IGSF5: variants seen among roughly 807,000 people sequenced by gnomAD.
IGSF5 encodes immunoglobulin superfamily member 5, also known as immunoglobulin superfamily 5 like.
In IGSF5, 41 loss-of-function variants were observed where a neutral mutation model predicts 39.4. That is an observed-to-expected ratio of 1.04 (90% CI 0.81 to 1.35). The LOEUF is 1.35. IGSF5 is among the 40% of genes most tolerant of loss of function. IGSF5 has a pLI of 0.00. For missense variants in IGSF5, 487 were observed against 494.6 expected, an observed-to-expected ratio of 0.98 and a Z score of 0.15; for synonymous variants, 183 against 175.3, an observed-to-expected ratio of 1.04 and a Z score of -0.34.
At chr21:39,733,800 T>C in the IGSF5 span, among the ~76,000 whole-genome samples, 1 of 152,202 alleles carries the variant, frequency 6.6e-6, no homozygotes, top group African/African-American at 2.4e-5. Context: ...TTCCTGGCCT[T>C]CCCTGGCCAT....
the IGSF5 span, among the ~76,000 whole-genome samples, chr21:39,721,134 G>T: frequency 2.6e-5 from 4 of 152,166 alleles, no homozygotes; most frequent in Non-Finnish European, 4.4e-5. Flanking sequence ...TGAATTAAAA[G>T]ATGACACAGT....
At chr21:39,787,695 TAAC>T (rs1006024050) in intron 5 of IGSF5, among the ~76,000 whole-genome samples, 4 of 151,870 alleles carry the variant, frequency 2.6e-5, no homozygotes, top group African/African-American at 9.7e-5. Context: ...AAAAATATAA[TAAC>T]AGTAACACCT....
chr21:39,793,574 T>C lies in IGSF5; in HGVS notation c.1089T>C (p.Asp363=). 5 of 1,614,124 alleles carry C rather than the reference T, an allele frequency of 3.1e-6. No individual in the cohort carries two copies. The highest frequency in any genetic ancestry group is 4.2e-6 in the Non-Finnish European group (5 of 1,179,960). The change falls in exon 8 of 9, where the codon GAT becomes GAC. Residue 363 remains aspartate, a synonymous_variant. Coordinates refer to ENST00000380588, the MANE Select transcript of IGSF5 (RefSeq NM_001080444.2). ...SLPPKSCESS[D]PEQRNSSCGP... is the part of the protein sequence containing the mutation. ...CTCCCAAATCCTGTGAATCCAGTGATCCTGAACAAAGAAACAGTAGCTGTG... is the reference window on the plus strand; with the variant it reads ...CTCCCAAATCCTGTGAATCCAGTGACCCTGAACAAAGAAACAGTAGCTGTG...
At chr21:39,744,250 C>A (rs2079961180), upstream of IGSF5, among the ~76,000 whole-genome samples, 1 of 152,188 alleles carries the variant, frequency 6.6e-6, no homozygotes, top group African/African-American at 2.4e-5. Flanking sequence ...AGGAGTGAGT[C>A]CTAGAGCTGG....
the IGSF5 span, among the ~76,000 whole-genome samples, chr21:39,735,949 T>C: frequency 6.6e-6 from 1 of 152,174 alleles, no homozygotes; most frequent in Non-Finnish European, 1.5e-5. Context: ...TTTTTACAAT[T>C]TTCCTGATGT....
rs1366802512 is a variant in IGSF5 at position 39,765,617 on chromosome 21, C to T, written c.183C>T (p.Thr61=). 43 of 1,613,956 alleles carry T rather than the reference C, an allele frequency of 2.7e-5. No individual in the cohort carries two copies. The highest frequency in any genetic ancestry group is 8.9e-5 in the East Asian group (4 of 44,884). The stretch of plus-strand genomic sequence containing the variant: ...GCTCCCAGGCTCGCTTCAACTGCAC[C>T]GTCTCCCAGGGCTGGAAGCTCATCA... ...LKGSQARFNC[T]VSQGWKLIMW... The change falls in exon 3 of 9, where the codon ACC becomes ACT. Residue 61 remains threonine (T), a synonymous_variant. Coordinates refer to ENST00000380588, the MANE Select transcript of IGSF5 (RefSeq NM_001080444.2).
intron 3 of IGSF5, among the ~76,000 whole-genome samples, chr21:39,768,751 G>A (rs1432546351): frequency 6.6e-6 from 1 of 152,184 alleles, no homozygotes; most frequent in African/African-American, 2.4e-5. Context: ...TGCATTTACA[G>A]TAGCCCTTGA....
the IGSF5 span, among the ~76,000 whole-genome samples, chr21:39,739,858 A>G: frequency 6.6e-6 from 1 of 152,112 alleles, no homozygotes; most frequent in Non-Finnish European, 1.5e-5. Flanking sequence ...GAAGAGACAA[A>G]CTTAACAAGG....
At position 39,757,022 on chromosome 21, in the gene IGSF5, A is replaced by G. The variant is rs185107987; in HGVS notation, c.101-8513A>G. Reference sequence around the variant, plus strand: ...TGCCACAGAGCCTTCTCTGCAGTTCATCAAGCACAGCAGGCACAGTCCCCC... The same window carrying G: ...TGCCACAGAGCCTTCTCTGCAGTTCGTCAAGCACAGCAGGCACAGTCCCCC... On this transcript the variant is annotated intron_variant, in intron 2 of 8. Transcript: ENST00000380588. Among the ~76,000 whole-genome samples the G allele has an allele frequency of 9.1e-5, 13 of 142,096 alleles. No individual in the cohort carries two copies. In the East Asian group the frequency reaches 2.5e-3, roughly 28 times the overall value. 93.2% of individuals were successfully genotyped at this position (142,096 alleles called of 152,430 possible). A position where few individuals can be genotyped will look rare whatever the true frequency, so the allele number is the denominator to read the frequency against.
intron 5 of IGSF5, among the ~76,000 whole-genome samples, chr21:39,780,763 C>T (rs1390081541): frequency 3.3e-5 from 5 of 152,134 alleles, no homozygotes; most frequent in Admixed American, 1.3e-4. Flanking sequence ...GTGGGCTTGT[C>T]GTAGCATTAG....
chr21:39,741,370 G>A (rs1477978600), upstream of IGSF5, among the ~76,000 whole-genome samples: 1 of 152,204 alleles, frequency 6.6e-6, no homozygotes, highest in Non-Finnish European at 1.5e-5. Flanking sequence ...TTGGGATAAG[G>A]ATAAGCCAGT....
the IGSF5 span, among the ~76,000 whole-genome samples, chr21:39,731,660 C>A: frequency 6.6e-6 from 1 of 152,140 alleles, no homozygotes; most frequent in Non-Finnish European, 1.5e-5. Flanking sequence ...CTTTTAGAAG[C>A]TGAGAAGAGC....
Position 39,801,077 on chromosome 21 carries a change from CT to C in IGSF5, c.1129-183del, listed in dbSNP as rs1284332865. ...ATTGGATTGCCCTTTAGGGCCTGAA[CT>C]TGGAAAACTTCTATATTGTGTGTTA... On this transcript the variant is annotated intron_variant, in intron 8 of 8. Coordinates refer to ENST00000380588, the MANE Select transcript of IGSF5 (RefSeq NM_001080444.2). Among the ~76,000 whole-genome samples the C allele has an allele frequency of 5.9e-5, 9 of 152,368 alleles. No individual in the cohort carries two copies. The East Asian group carries it at 1.7e-3, about 29-fold the overall frequency.
intron 4 of IGSF5, among the ~76,000 whole-genome samples, chr21:39,771,831 G>A (rs1320875645): frequency 6.6e-6 from 1 of 152,212 alleles, no homozygotes; most frequent in Non-Finnish European, 1.5e-5. Flanking sequence ...GCGCCTGTGA[G>A]CTTTGAGTCA....
At chr21:39,738,233 C>T in the IGSF5 span, among the ~76,000 whole-genome samples, 4 of 152,134 alleles carry the variant, frequency 2.6e-5, no homozygotes, top group East Asian at 1.9e-4. The surrounding 1 kb of genome is among the most constrained non-coding windows in gnomAD (Gnocchi z 6.4). Context: ...AAGGCAAAGG[C>T]ACCTCTTTCA....
the IGSF5 span, among the ~76,000 whole-genome samples, chr21:39,728,442 G>A: frequency 2.6e-4 from 40 of 152,174 alleles, no homozygotes; most frequent in Non-Finnish European, 5.3e-4. Context: ...AAGAGGCCAG[G>A]AAGGATTCCC....
At position 39,788,155 on chromosome 21, in the gene IGSF5, TC is replaced by T; in HGVS notation, c.935-11del. 6.3e-7 allele frequency: 1 copy of T among 1,589,748 alleles called. No homozygotes were observed. The highest frequency in any genetic ancestry group is 8.6e-7 in the Non-Finnish European group (1 of 1,162,244). On this transcript the variant is annotated splice_polypyrimidine_tract_variant and intron_variant, in intron 5 of 8. Transcript: ENST00000380588. Reference sequence around the variant, plus strand: ...CCCGATTTTTCCAATGTAATTTTGTTCTTTTTTGCAGGATTTCGTATTCAAT... The same window carrying T: ...CCCGATTTTTCCAATGTAATTTTGTTTTTTTTGCAGGATTTCGTATTCAAT...
intron 3 of IGSF5, among the ~76,000 whole-genome samples, 153 bp from the exon 4 acceptor site, chr21:39,770,763 T>C (rs2080109445): frequency 6.6e-6 from 1 of 151,284 alleles, no homozygotes; most frequent in Admixed American, 6.6e-5. Flanking sequence ...TAAGATTTCC[T>C]AGTAGAGACA....
intron 2 of IGSF5, among the ~76,000 whole-genome samples, chr21:39,753,403 G>T (rs1228635813): frequency 6.6e-6 from 1 of 152,176 alleles, no homozygotes; most frequent in Non-Finnish European, 1.5e-5. Context: ...TAGCCTTGTA[G>T]TATAATTTGA....
Sources: gnomAD v4.1 joint callset for allele counts (sites outside exome capture counted in the v4.1 genomes callset) on GRCh38, gnomAD v4.1.1 for gene constraint, Gnocchi (gnomAD v3.1) non-coding constraint, MANE v1.5 for transcripts, NCBI Gene and HGNC (gene_info 2026-07-23, HGNC 2026-07-21) for gene names.